HOXB9: variants seen among roughly 807,000 people sequenced by gnomAD.
The protein encoded by HOXB9 is homeobox protein Hox-B9.
A neutral mutation model predicts 21.5 loss-of-function variants in HOXB9; 10 were observed. The ratio of observed to expected loss-of-function variants is 0.47; its 90% confidence interval spans 0.29 to 0.79. The LOEUF (loss-of-function observed/expected upper bound fraction) is 0.79, where lower values mean the gene tolerates loss of function less well. Among genes scored for constraint, HOXB9 ranks in the 30% least tolerant of loss-of-function variants. The pLI is 0.10. For synonymous variants in HOXB9, 156 were observed against 151.2 expected (o/e 1.03, Z -0.23); for missense variants, 375 against 338.7 (o/e 1.11, Z -0.84).
intron 1 of HOXB9, among the ~76,000 whole-genome samples, chr17:48,625,289 G>A (rs886331592): frequency 4.6e-5 from 7 of 152,222 alleles, no homozygotes; most frequent in Non-Finnish European, 8.8e-5. Flanking sequence ...CGGCTTTTAC[G>A]GTCTGCGCGT....
rs2070815696 is a variant in HOXB9, at chr17:48,626,240, A to C, written c.30T>G (p.Tyr10Ter). Reference sequence around the variant, plus strand: ...CGTGACTTATGATCGAGTCGACATAATAGCTGCTAAGCGTCCCAGAAATGG... The same window carrying C: ...CGTGACTTATGATCGAGTCGACATACTAGCTGCTAAGCGTCCCAGAAATGG... MSISGTLSS[Y>*]YVDSIISHES... is the part of the protein sequence containing the mutation. The change falls in exon 1 of 2, where the codon TAT (tyrosine) becomes TAG (stop). Residue 10 changes from tyrosine to a stop codon, truncating the protein, a stop_gained. Coordinates refer to ENST00000311177, the MANE Select transcript of HOXB9 (RefSeq NM_024017.5). LOFTEE classifies it high-confidence loss of function. The C allele has an allele frequency of 6.3e-7, 1 of 1,596,790 alleles. No individual in the cohort carries two copies. The highest frequency in any genetic ancestry group is 8.5e-7 in the Non-Finnish European group (1 of 1,178,334).
intron 1 of HOXB9, 66 bp from the exon 2 acceptor site, chr17:48,623,201 A>C: frequency 7.7e-7 from 1 of 1,292,018 alleles, no homozygotes. Context: ...TCAAGAGGGC[A>C]CTCCCTTGGT....
intron 1 of HOXB9, 24 bp downstream of exon 1, chr17:48,625,729 A>C: frequency 1.4e-6 from 2 of 1,478,274 alleles, no homozygotes; most frequent in Non-Finnish European, 9.0e-7. Flanking sequence ...CGGCCTGGGT[A>C]TTTCCTCACT....
Position 48,626,255 on chromosome 17 carries a change from C to A in HOXB9, c.15G>T (p.Gly5=). The A allele has an allele frequency of 6.3e-7, 1 of 1,593,004 alleles. No individual in the cohort carries two copies. Among genetic ancestry groups the A allele is most frequent in the African/African-American group, 1.3e-5 (1 of 74,874 alleles). The change falls in exon 1 of 2, where the codon GGG becomes GGT. Residue 5 remains glycine (G), a synonymous_variant. Transcript: ENST00000311177. ...AGTCGACATAATAGCTGCTAAGCGT[C>A]CCAGAAATGGACATTCTCAGACATT... MSIS[G]TLSSYYVDSI...
At chr17:48,625,022 G>T (rs940969470) in intron 1 of HOXB9, among the ~76,000 whole-genome samples, 1 of 152,238 alleles carries the variant, frequency 6.6e-6, no homozygotes, top group African/African-American at 2.4e-5. Context: ...GAGCAGCGGG[G>T]GACCGCAGAA....
chr17:48,626,128 G>A lies in HOXB9; in HGVS notation c.142C>T (p.Pro48Ser), dbSNP rs539801869. The change falls in exon 1 of 2, where the codon CCC (proline) becomes TCC (serine). Residue 48 changes from proline (P) to serine (S), a missense_variant. Pro to Ser is a moderately conservative substitution (Grantham distance 74). Transcript: ENST00000311177. ...GCTTTGGGCTGGAAGCTGCACGAGG[G>A]GAACTCCAGGTGCTCCGCGTGGCCC... is the stretch of plus-strand genomic sequence containing the variant. ...QPGHAEHLEFPSCSFQPKAPV... is the reference protein window; with the variant it reads ...QPGHAEHLEFSSCSFQPKAPV... The A allele has an allele frequency of 6.3e-7, 1 of 1,589,282 alleles. No individual in the cohort carries two copies.
At position 48,622,984 on chromosome 17, in the gene HOXB9, A is replaced by G; in HGVS notation, c.669T>C (p.Asn223=). The G allele has an allele frequency of 6.2e-7, 1 of 1,614,174 alleles. No homozygotes were observed. The highest frequency in any genetic ancestry group is 1.3e-5 in the African/African-American group (1 of 75,012). Residue 223 remains asparagine, a synonymous_variant, in exon 2 of 2, where the codon AAT becomes AAC. Transcript: ENST00000311177. Reference sequence around the variant, plus strand: ...AGATTTTGACTTGTCTCTCACTCAGATTGAGGAGTCTGGCCACTTCGTGCC... The same window carrying G: ...AGATTTTGACTTGTCTCTCACTCAGGTTGAGGAGTCTGGCCACTTCGTGCC... ...DRRHEVARLL[N]LSERQVKIWF... is the part of the protein sequence containing the mutation.
chr17:48,623,210 G>A (rs779318234), intron 1 of HOXB9, 75 bp from the exon 2 acceptor site: 8 of 1,171,854 alleles, frequency 6.8e-6, no homozygotes, highest in African/African-American at 1.5e-5. Flanking sequence ...CACTCCCTTG[G>A]TCTCCACTCC....
chr17:48,624,762 CCT>C (rs1185104412), intron 1 of HOXB9, among the ~76,000 whole-genome samples: 4 of 152,058 alleles, frequency 2.6e-5, no homozygotes, highest in Non-Finnish European at 5.9e-5. Context: ...ATAGGAGAAC[CCT>C]CTCTTCTCAT....
Position 48,626,009 on chromosome 17 carries a change from G to A in HOXB9, c.261C>T (p.Val87=). 2 of 1,565,926 alleles carry A rather than the reference G, an allele frequency of 1.3e-6. No homozygotes were observed. Among genetic ancestry groups the A allele is most frequent in the Non-Finnish European group, 1.7e-6 (2 of 1,162,874 alleles). ...GGAGGTACCTGCTCTCGGCCGGCGGGACGCCCTGGGGCTGGATGTAAGGGT... is the reference window on the plus strand; with the variant it reads ...GGAGGTACCTGCTCTCGGCCGGCGGAACGCCCTGGGGCTGGATGTAAGGGT... ...VYHPYIQPQG[V]PPAESRYLRT... Residue 87 remains valine, a synonymous_variant, in exon 1 of 2, where the codon GTC becomes GTT. Transcript: ENST00000311177.
chr17:48,625,221 G>A (rs2070801925), intron 1 of HOXB9, among the ~76,000 whole-genome samples: 1 of 152,376 alleles, frequency 6.6e-6, no homozygotes, highest in South Asian at 2.1e-4. Flanking sequence ...ACAATCCTCC[G>A]CCAAGCTGTT....
rs758520907 is a variant in HOXB9 at position 48,625,872 on chromosome 17, G to T, written c.398C>A (p.Thr133Lys). The change falls in exon 1 of 2, where the codon ACG becomes AAG. Residue 133 changes from threonine to lysine, a missense_variant. Physicochemically the swap from Thr to Lys is moderately conservative, Grantham distance 78. Transcript: ENST00000311177. ...GAPGELLKQG[T>K]PEYSLETSAG... ...CGAAGTTTCCAAACTGTACTCGGGC[G>T]TGCCCTGTTTGAGCAGCTCCCCAGG... 6.2e-7 allele frequency: 1 copy of T among 1,608,596 alleles called. No homozygotes were observed. The highest frequency in any genetic ancestry group is 8.5e-7 in the Non-Finnish European group (1 of 1,178,194).
intron 1 of HOXB9, among the ~76,000 whole-genome samples, chr17:48,625,415 C>T (rs1253209915): frequency 6.6e-6 from 1 of 152,196 alleles, no homozygotes; most frequent in East Asian, 1.9e-4. Flanking sequence ...CAGCTCCTCT[C>T]CCGGCCGTCG....
At chr17:48,624,171 A>T (rs954895921) in intron 1 of HOXB9, among the ~76,000 whole-genome samples, 1 of 152,228 alleles carries the variant, frequency 6.6e-6, no homozygotes, top group Non-Finnish European at 1.5e-5. Flanking sequence ...CCAATTAAAA[A>T]TAACAGCCAC....
At chr17:48,625,466 G>C (rs2145011387) in intron 1 of HOXB9, among the ~76,000 whole-genome samples, 1 of 152,342 alleles carries the variant, frequency 6.6e-6, no homozygotes, top group South Asian at 2.1e-4. Flanking sequence ...CTCCGGGAGA[G>C]AGGGGGAAAG....
Position 48,623,071 on chromosome 17 carries a change from T to G in HOXB9, c.582A>C (p.Lys194Asn). ...SSRKKRCPYT[K>N]YQTLELEKEF... ...CCTTCTCTAGCTCCAGCGTCTGGTA[T>G]TTGGTGTAGGGACAGCGCTTTTTCC... The change falls in exon 2 of 2, where the codon AAA becomes AAC. Residue 194 changes from lysine to asparagine, a missense_variant. Coordinates refer to ENST00000311177, the MANE Select transcript of HOXB9 (RefSeq NM_024017.5). The G allele has an allele frequency of 6.2e-7, 1 of 1,614,170 alleles. No individual in the cohort carries two copies. The highest frequency in any genetic ancestry group is 8.5e-7 in the Non-Finnish European group (1 of 1,180,022).
chr17:48,623,190 A>G, intron 1 of HOXB9, 55 bp from the exon 2 acceptor site: 1 of 1,402,850 alleles, frequency 7.1e-7, no homozygotes, highest in South Asian at 1.3e-5. Context: ...AGGGCCCCAG[A>G]TCAAGAGGGC....
Position 48,622,962 on chromosome 17 carries a change from T to C in HOXB9, c.691A>G (p.Ile231Val). The change falls in exon 2 of 2, where the codon ATC (isoleucine) becomes GTC (valine). Residue 231 changes from isoleucine to valine, a missense_variant. Transcript: ENST00000311177. ...TTCATCCGCCGGTTCTGAAACCAGA[T>C]TTTGACTTGTCTCTCACTCAGATTG... Reference protein sequence around the residue: ...LLNLSERQVKIWFQNRRMKMK... With the variant: ...LLNLSERQVKVWFQNRRMKMK... 1 of 1,614,232 alleles carries C rather than the reference T, an allele frequency of 6.2e-7. No homozygotes were observed. Among genetic ancestry groups the C allele is most frequent in the Non-Finnish European group, 8.5e-7 (1 of 1,180,038 alleles).
In HOXB9 at chr17:48,626,244, C is replaced by T. The variant is rs2070815834; in HGVS notation, c.26G>A (p.Ser9Asn). 6.3e-7 allele frequency: 1 copy of T among 1,594,896 alleles called. No individual in the cohort carries two copies. The highest frequency in any genetic ancestry group is 8.5e-7 in the Non-Finnish European group (1 of 1,176,776). The change falls in exon 1 of 2, where the codon AGC becomes AAC. Residue 9 changes from serine to asparagine, a missense_variant. Coordinates refer to ENST00000311177, the MANE Select transcript of HOXB9 (RefSeq NM_024017.5). MSISGTLSSYYVDSIISHE... is the reference protein window; with the variant it reads MSISGTLSNYYVDSIISHE... ...ACTTATGATCGAGTCGACATAATAG[C>T]TGCTAAGCGTCCCAGAAATGGACAT... is the stretch of plus-strand genomic sequence containing the variant.
Sources: gnomAD v4.1 joint callset for allele counts (sites outside exome capture counted in the v4.1 genomes callset) on GRCh38, gnomAD v4.1.1 for gene constraint, MANE v1.5 for transcripts, NCBI Gene and HGNC (gene_info 2026-07-23, HGNC 2026-07-21) for gene names.